The following IQCM variants were observed in gnomAD, a reference collection of about 807,000 sequenced individuals.
IQCM encodes IQ domain-containing protein M.
Under a neutral mutation model 57.6 loss-of-function variants are expected in IQCM, and 45 were observed. The ratio of observed to expected loss-of-function variants is 0.78; its 90% CI spans 0.62 to 1.00. IQCM has a LOEUF of 1.00. IQCM is among the 50% of genes least tolerant of loss of function. The pLI, the probability that IQCM is intolerant of heterozygous loss-of-function variation, is 0.00. For synonymous variants in IQCM, 148 were observed against 158.9 expected, an observed-to-expected ratio of 0.93 and a Z score of 0.51; for missense variants, 468 against 511.6, an observed-to-expected ratio of 0.91 and a Z score of 0.82.
At chr4:149,702,981 A>ATG (rs1443324422) in intron 5 of IQCM, among the ~76,000 whole-genome samples, 1 of 151,898 alleles carries the variant, frequency 6.6e-6, no homozygotes, top group African/African-American at 2.4e-5. Context: ...AATTCTGCAA[A>ATG]TGTGTGTGTG....
chr4:149,764,090 C>T (rs1162608873), intron 2 of IQCM, among the ~76,000 whole-genome samples: 1 of 152,038 alleles, frequency 6.6e-6, no homozygotes, highest in Non-Finnish European at 1.5e-5. Context: ...GCTCTTATAC[C>T]TTGTTGGGGC....
At chr4:149,668,748 A>G (rs926821842) in intron 7 of IQCM, among the ~76,000 whole-genome samples, 2 of 152,224 alleles carry the variant, frequency 1.3e-5, no homozygotes, top group African/African-American at 4.8e-5. Flanking sequence ...GTGTTTGGTC[A>G]GAGCTGATCA....
chr4:149,358,755 A>G (rs1029138873), intron 13 of IQCM, among the ~76,000 whole-genome samples: 1 of 134,452 alleles, frequency 7.4e-6, no homozygotes, highest in Non-Finnish European at 1.6e-5. Flanking sequence ...TTGAAATGCC[A>G]AGCCAGTTTT....
chr4:149,643,762 T>A (rs1410728109), intron 7 of IQCM, among the ~76,000 whole-genome samples: 1 of 152,134 alleles, frequency 6.6e-6, no homozygotes, highest in African/African-American at 2.4e-5. Context: ...AAAAAACAAG[T>A]AATTGTTTAA....
intron 5 of IQCM, among the ~76,000 whole-genome samples, chr4:149,710,031 G>C (rs1343644369): frequency 6.6e-6 from 1 of 152,122 alleles, no homozygotes; most frequent in African/African-American, 2.4e-5. Context: ...TCAAGGGAAA[G>C]AATGATCCAA....
intron 13 of IQCM, among the ~76,000 whole-genome samples, chr4:149,424,326 A>G (rs1734320663): frequency 6.6e-6 from 1 of 151,888 alleles, no homozygotes. Flanking sequence ...TAACAGCAAA[A>G]TCAAAATAAA....
In IQCM at chr4:149,789,993, A is replaced by T. The variant is rs1772438512; in HGVS notation, c.-49+25318T>A. On this transcript the variant is annotated intron_variant, in intron 2 of 13. Transcript: ENST00000636793. ...GAAAGGCAGAAGAGAAGATACTCAG[A>T]AACGAGTTTCCAAGACACAGATCTG... 6 of 352,216 alleles carry T rather than the reference A, an allele frequency of 1.7e-5. No individual in the cohort carries two copies. In the South Asian group the frequency reaches 3.9e-4, roughly 23 times the overall value. The allele number at this position is 352,216 out of a possible 1,614,324, so 21.8% of individuals were successfully genotyped here. A position where few individuals can be genotyped will look rare whatever the true frequency, so the allele number is the denominator to read the frequency against.
chr4:149,701,605 C>G (rs1042746165), intron 5 of IQCM, among the ~76,000 whole-genome samples: 1 of 152,022 alleles, frequency 6.6e-6, no homozygotes, highest in African/African-American at 2.4e-5. Flanking sequence ...GTGTCTCACA[C>G]GCTCTGGCAC....
At chr4:149,554,684 A>C (rs555452246) in intron 10 of IQCM, among the ~76,000 whole-genome samples, 2 of 132,602 alleles carry the variant, frequency 1.5e-5, no homozygotes, top group East Asian at 4.6e-4. Flanking sequence ...ATTACACATT[A>C]ATTTTTTCTT....
chr4:149,698,193 T>C (rs1186706093), intron 5 of IQCM, among the ~76,000 whole-genome samples: 1 of 152,056 alleles, frequency 6.6e-6, no homozygotes, highest in Non-Finnish European at 1.5e-5. Context: ...TGTTATTGAC[T>C]ATTCTTTTTA....
At chr4:149,674,647 A>C (rs1404885035) in intron 7 of IQCM, among the ~76,000 whole-genome samples, 2 of 152,076 alleles carry the variant, frequency 1.3e-5, no homozygotes, top group Non-Finnish European at 2.9e-5. Flanking sequence ...CTTTCCAGGC[A>C]GAGAGAACAA....
At chr4:149,421,066 T>C (rs1014573867) in intron 13 of IQCM, among the ~76,000 whole-genome samples, 5 of 151,790 alleles carry the variant, frequency 3.3e-5, no homozygotes, top group African/African-American at 1.2e-4. Flanking sequence ...CAAAACATTT[T>C]ATTCTCTGCA....
At chr4:149,374,554 T>C (rs1730577488) in intron 13 of IQCM, among the ~76,000 whole-genome samples, 1 of 152,108 alleles carries the variant, frequency 6.6e-6, no homozygotes, top group South Asian at 2.1e-4. Context: ...AAACCCAAAA[T>C]GATAACATTC....
chr4:149,354,233 G>A (rs981348217), intron 13 of IQCM, among the ~76,000 whole-genome samples: 12 of 146,882 alleles, frequency 8.2e-5, no homozygotes, highest in African/African-American at 1.8e-4. Context: ...GCGTAGTGGC[G>A]GGCGCCTGTA....
In IQCM at chr4:149,553,249, G is replaced by T. The variant is rs61737571; in HGVS notation, c.987C>A (p.Asn329Lys). Residue 329 changes from asparagine to lysine, a missense_variant, in exon 11 of 14, where the codon AAC (asparagine) becomes AAA (lysine). Asn to Lys is a moderately conservative substitution (Grantham distance 94). Transcript: ENST00000636793. ...DHGPDMKAVI[N>K]MYGRLIHRVR... ...CACGGTGGATTAGTCTGCCATACAT[G>T]TTAATAACTGCTTTCATATCTGGTC... The T allele has an allele frequency of 1.6e-4, 194 of 1,231,760 alleles. No homozygotes were observed. The highest frequency in any genetic ancestry group is 1.8e-4 in the Non-Finnish European group (177 of 987,782). 76.3% of individuals were successfully genotyped at this position (1,231,760 alleles called of 1,614,324 possible). A position where few individuals can be genotyped will look rare whatever the true frequency, so the allele number is the denominator to read the frequency against.
At chr4:149,460,158 T>G (rs1738123038) in intron 12 of IQCM, among the ~76,000 whole-genome samples, 1 of 152,194 alleles carries the variant, frequency 6.6e-6, no homozygotes, top group Non-Finnish European at 1.5e-5. Flanking sequence ...GATTTGCATT[T>G]CCCTAATGAT....
intron 12 of IQCM, among the ~76,000 whole-genome samples, chr4:149,545,581 T>C (rs1748311237): frequency 6.6e-6 from 1 of 152,128 alleles, no homozygotes; most frequent in South Asian, 2.1e-4. Flanking sequence ...TCTTTGTACA[T>C]TGTTGGTAGA....
chr4:149,809,933 A>G (rs1017010603), intron 2 of IQCM, among the ~76,000 whole-genome samples: 3 of 152,122 alleles, frequency 2.0e-5, no homozygotes, highest in Non-Finnish European at 4.4e-5. Context: ...AAGTACTCTC[A>G]GTTATCTCTT....
In IQCM at chr4:149,688,643, C is replaced by T. The variant is rs567241712; in HGVS notation, c.386-2175G>A. On this transcript the variant is annotated intron_variant, in intron 5 of 13. Transcript: ENST00000636793. ...TGGAACCAAAAAGAGCCTGCATAAC[C>T]GAAGCAAGACTAAGCAAAAAGAACA... Among the ~76,000 whole-genome samples, 102 of 151,998 alleles carry T rather than the reference C, an allele frequency of 6.7e-4. 1 individual carries two copies. In the South Asian group the frequency reaches 0.015, roughly 23 times the overall value.
Sources: allele counts gnomAD v4.1 joint callset (sites outside exome capture counted in the v4.1 genomes callset), GRCh38; gene constraint gnomAD v4.1.1; transcripts MANE v1.5; gene names NCBI Gene and HGNC (gene_info 2026-07-23, HGNC 2026-07-21).